The following GLRB variants were observed in gnomAD, a reference collection of about 807,000 sequenced individuals.
GLRB encodes glycine receptor beta.
A neutral mutation model predicts 54.2 loss-of-function variants in GLRB; 33 were observed. That is an observed-to-expected ratio of 0.61 (90% CI 0.46 to 0.81). GLRB has a LOEUF of 0.81. Among genes scored for constraint, GLRB ranks in the 40% least tolerant of loss-of-function variants. The probability of loss-of-function intolerance (pLI) is 0.00; values close to 1 mark genes in which losing one functional copy is unlikely to be tolerated. For missense variants in GLRB, 572 were observed against 584.6 expected, an observed-to-expected ratio of 0.98 and a Z score of 0.22; for synonymous variants, 209 against 208.2, an observed-to-expected ratio of 1.00 and a Z score of -0.03.
chr4:157,148,176 C>T (rs897192757), intron 8 of GLRB, among the ~76,000 whole-genome samples: 4 of 152,044 alleles, frequency 2.6e-5, no homozygotes, highest in Admixed American at 1.3e-4. Context: ...AAAAAGTGTT[C>T]GTAGTACTCC....
At chr4:157,092,038 G>A (rs1179607409) in intron 2 of GLRB, among the ~76,000 whole-genome samples, 1 of 148,370 alleles carries the variant, frequency 6.7e-6, no homozygotes, top group South Asian at 2.2e-4. Context: ...GAAAATATTG[G>A]ACTGAAAATT....
intron 2 of GLRB, among the ~76,000 whole-genome samples, chr4:157,106,975 C>G (rs576557079): frequency 6.6e-6 from 1 of 152,102 alleles, no homozygotes; most frequent in Non-Finnish European, 1.5e-5. Flanking sequence ...CCCCGTGTGT[C>G]TCTGTGTCAT....
intron 2 of GLRB, among the ~76,000 whole-genome samples, chr4:157,114,591 A>T (rs889847336): frequency 6.6e-6 from 1 of 151,444 alleles, no homozygotes; most frequent in Non-Finnish European, 1.5e-5. Flanking sequence ...CTGTCACAGG[A>T]TCCCTTCCAG....
At chr4:157,090,253 G>T (rs1734562881) in intron 2 of GLRB, among the ~76,000 whole-genome samples, 2 of 152,104 alleles carry the variant, frequency 1.3e-5, no homozygotes, top group South Asian at 2.1e-4. Flanking sequence ...AAATTTAAAA[G>T]ATTAAATCAC....
intron 4 of GLRB, among the ~76,000 whole-genome samples, chr4:157,126,674 T>C (rs1579220308): frequency 6.6e-6 from 1 of 152,018 alleles, no homozygotes; most frequent in East Asian, 1.9e-4. Flanking sequence ...AGGTGACATC[T>C]GTTCTACAGT....
chr4:157,085,204 G>A (rs1288357965), intron 2 of GLRB, among the ~76,000 whole-genome samples: 2 of 151,992 alleles, frequency 1.3e-5, no homozygotes, highest in African/African-American at 4.8e-5. Flanking sequence ...TATCTGCCAT[G>A]TTCAATTTTT....
rs569880291 is a variant in GLRB at position 157,164,827 on chromosome 4, T to C, written c.1198-5605T>C. Among the ~76,000 whole-genome samples, 3 of 152,236 alleles carry C rather than the reference T, an allele frequency of 2.0e-5. No individual in the cohort carries two copies. In the South Asian group the frequency reaches 6.2e-4, roughly 32 times the overall value. On this transcript the variant is annotated intron_variant, in intron 9 of 9. Transcript: ENST00000264428. ...AAGGATGAGAGGATCCATGAAGTAG[T>C]AAACCCAATTATGTTATTTTAAGTT...
chr4:157,159,898 A>G (rs964590572), intron 9 of GLRB, among the ~76,000 whole-genome samples: 5 of 152,172 alleles, frequency 3.3e-5, no homozygotes, highest in Admixed American at 2.6e-4. Context: ...GAATAGTTTC[A>G]GAAGGAATGG....
chr4:157,160,650 G>C (rs1413523993), intron 9 of GLRB, among the ~76,000 whole-genome samples: 3 of 152,102 alleles, frequency 2.0e-5, no homozygotes, highest in African/African-American at 7.2e-5. Flanking sequence ...TTTTGAGTGA[G>C]TTTCTTAATC....
chr4:157,163,960 C>T (rs1737617121), intron 9 of GLRB, among the ~76,000 whole-genome samples: 2 of 152,012 alleles, frequency 1.3e-5, no homozygotes, highest in South Asian at 2.1e-4. Flanking sequence ...TTTCGAGGCC[C>T]TCAGCATCCT....
chr4:157,113,171 G>A (rs983213945), intron 2 of GLRB, among the ~76,000 whole-genome samples: 3 of 151,738 alleles, frequency 2.0e-5, no homozygotes, highest in African/African-American at 4.8e-5. Context: ...ATTTTCGTTG[G>A]GCCAGGAGGG....
In GLRB at chr4:157,120,633, A is replaced by C; in HGVS notation, c.200A>C (p.Tyr67Ser). 1.3e-6 allele frequency: 2 copies of C among 1,591,716 alleles called. No individual in the cohort carries two copies. Among genetic ancestry groups the C allele is most frequent in the Non-Finnish European group, 1.7e-6 (2 of 1,162,168 alleles). Residue 67 changes from tyrosine (Y) to serine (S), a missense_variant, in exon 3 of 10, where the codon TAT becomes TCT. Coordinates refer to ENST00000264428, the MANE Select transcript of GLRB (RefSeq NM_000824.5). Reference protein sequence around the residue: ...SNILNRLLVSYDPRIRPNFKG... With the variant: ...SNILNRLLVSSDPRIRPNFKG... ...ATCTTGAACAGGTTATTGGTCAGTT[A>C]TGATCCCAGGATAAGACCAAACTTC... is the stretch of plus-strand genomic sequence containing the variant.
intron 8 of GLRB, among the ~76,000 whole-genome samples, chr4:157,145,701 C>T (rs1373661267): frequency 1.3e-5 from 2 of 152,002 alleles, no homozygotes; most frequent in Non-Finnish European, 2.9e-5. Context: ...TATAATATAT[C>T]ATATGTAAGA....
chr4:157,133,494 A>G (rs920887410), intron 4 of GLRB, among the ~76,000 whole-genome samples: 15 of 151,964 alleles, frequency 9.9e-5, no homozygotes, highest in African/African-American at 3.6e-4. Context: ...TTATGTTTAC[A>G]TAGCCTTTTT....
chr4:157,134,407 A>G (rs182592934), intron 4 of GLRB, among the ~76,000 whole-genome samples: 1 of 151,862 alleles, frequency 6.6e-6, no homozygotes, highest in African/African-American at 2.4e-5. Flanking sequence ...ATTTTTTTTT[A>G]ATTACCCAGG....
At chr4:157,078,744 C>T (rs1734128063) in intron 2 of GLRB, among the ~76,000 whole-genome samples, 1 of 152,074 alleles carries the variant, frequency 6.6e-6, no homozygotes, top group Admixed American at 6.6e-5. Flanking sequence ...AACACATCCC[C>T]CACAAAAGAC....
At chr4:157,117,989 G>A (rs1475097030) in intron 2 of GLRB, among the ~76,000 whole-genome samples, 1 of 151,652 alleles carries the variant, frequency 6.6e-6, no homozygotes, top group Non-Finnish European at 1.5e-5. Flanking sequence ...AAAAGGACAG[G>A]TTTGGTTTAG....
At chr4:157,112,125 A>T (rs1295067602) in intron 2 of GLRB, among the ~76,000 whole-genome samples, 1 of 151,068 alleles carries the variant, frequency 6.6e-6, no homozygotes, top group Non-Finnish European at 1.5e-5. Flanking sequence ...GATTCTTCTG[A>T]TAATTAAAAT....
chr4:157,084,307 A>T (rs1734329623), intron 2 of GLRB, among the ~76,000 whole-genome samples: 1 of 152,172 alleles, frequency 6.6e-6, no homozygotes, highest in African/African-American at 2.4e-5. Flanking sequence ...AATAGCTTAC[A>T]GTAAGTGAAA....
Sources: gnomAD v4.1 joint callset for allele counts (sites outside exome capture counted in the v4.1 genomes callset) on GRCh38, gnomAD v4.1.1 for gene constraint, MANE v1.5 for transcripts, NCBI Gene and HGNC (gene_info 2026-07-23, HGNC 2026-07-21) for gene names.